MUC15: variants seen among roughly 807,000 people sequenced by gnomAD.
MUC15 encodes mucin-15.
MUC15 carries 23 observed loss-of-function variants against 24.0 expected under a neutral mutation model. The observed-to-expected ratio is 0.96, with a 90% CI of 0.69 to 1.36. MUC15 has a LOEUF of 1.36. MUC15 is among the 40% of genes most tolerant of loss of function. The pLI is 0.00. For missense variants in MUC15, 442 were observed against 428.2 expected (o/e 1.03, Z -0.29); for synonymous variants, 151 against 156.3 (o/e 0.97, Z 0.25).
intron 1 of MUC15, 100 bp from the exon 2 acceptor site, chr11:26,567,239 A>G (rs1221648052): frequency 6.9e-6 from 5 of 727,302 alleles, no homozygotes; most frequent in Non-Finnish European, 9.9e-6. Flanking sequence ...TTTACTTTAA[A>G]AAAATAGACT....
rs781399474 is a variant in MUC15 at position 26,565,888 on chromosome 11, T to A, written c.52A>T (p.Lys18Ter). Residue 18 changes from lysine (K) to a stop codon, truncating the protein, a stop_gained, in exon 3 of 5, where the codon AAA (lysine) becomes TAA (stop). Coordinates refer to ENST00000529533, the MANE Select transcript of MUC15 (RefSeq NM_001135091.2). LOFTEE classifies it high-confidence loss of function. ...LATSRDCYSF[K>*]KKPIPKKPTM... ...GGCTTCTTTGGTATTGGTTTTTTTT[T>A]AAAGGAATCTGAAAGAAAATAACCA... The A allele has an allele frequency of 2.1e-5, 33 of 1,573,444 alleles. No homozygotes were observed. The highest frequency in any genetic ancestry group is 1.6e-4 in the East Asian group (7 of 44,648).
intron 1 of MUC15, among the ~76,000 whole-genome samples, chr11:26,567,579 C>A (rs1249124264): frequency 6.6e-6 from 1 of 151,986 alleles, no homozygotes; most frequent in Non-Finnish European, 1.5e-5. Flanking sequence ...TGTTAGTTAT[C>A]TTCAAAATCT....
intron 3 of MUC15, among the ~76,000 whole-genome samples, chr11:26,564,757 A>ATTTTCTT: frequency 1.2e-5 from 1 of 82,728 alleles, no homozygotes; most frequent in Non-Finnish European, 2.5e-5. Context: ...ATATATATAT[A>ATTTTCTT]TATATATATA....
Position 26,560,892 on chromosome 11 carries a change from A to G in MUC15, c.*173T>C, listed in dbSNP as rs1850261872. 1 of 579,844 alleles carries G rather than the reference A, an allele frequency of 1.7e-6. No homozygotes were observed. The highest frequency in any genetic ancestry group is 2.0e-5 in the African/African-American group (1 of 50,668). 35.9% of individuals were successfully genotyped at this position (579,844 alleles called of 1,614,324 possible). ...GATGGCCAAAAATTGTAAGAAAGAAAACCTTTGGATGATACATCCTGTCTA... is the reference window on the plus strand; with the variant it reads ...GATGGCCAAAAATTGTAAGAAAGAAGACCTTTGGATGATACATCCTGTCTA... On this transcript the variant is annotated 3_prime_UTR_variant, in exon 5 of 5. Coordinates refer to ENST00000529533, the MANE Select transcript of MUC15 (RefSeq NM_001135091.2).
At chr11:26,571,928 T>C (rs897119030) in intron 1 of MUC15, 113 bp downstream of exon 1, 1 of 284,994 alleles carries the variant, frequency 3.5e-6, no homozygotes, top group African/African-American at 2.3e-5. Context: ...TGCCAGGCTG[T>C]TCTGTCAAAG....
In MUC15 at chr11:26,567,032, T is replaced by G. The variant is rs1266124905; in HGVS notation, c.43+20A>C. 18 of 1,475,786 alleles carry G rather than the reference T, an allele frequency of 1.2e-5. No homozygotes were observed. The highest frequency in any genetic ancestry group is 1.6e-5 in the Non-Finnish European group (18 of 1,107,008). The allele number at this position is 1,475,786 out of a possible 1,614,324, so 91.4% of individuals were successfully genotyped here. A position where few individuals can be genotyped will look rare whatever the true frequency, so the allele number is the denominator to read the frequency against. On this transcript the variant is annotated intron_variant, in intron 2 of 4. Coordinates refer to ENST00000529533, the MANE Select transcript of MUC15 (RefSeq NM_001135091.2). ...CTTTTTGGTTACAAAGTTTACAGTA[T>G]CATCTTATTTGATACTTACAACAAT...
chr11:26,565,987 G>A (rs1357490497), intron 2 of MUC15, 91 bp from the exon 3 acceptor site: 2 of 1,239,412 alleles, frequency 1.6e-6, no homozygotes, highest in Non-Finnish European at 2.2e-6. Flanking sequence ...TAAAAATCTA[G>A]ACATAATATA....
intron 3 of MUC15, among the ~76,000 whole-genome samples, chr11:26,564,710 C>T (rs1450576283): frequency 4.3e-5 from 3 of 70,564 alleles, no homozygotes; most frequent in Non-Finnish European, 5.4e-5. Flanking sequence ...CACACACACA[C>T]ACACACACAC....
chr11:26,571,597 A>C (rs1253676360), intron 1 of MUC15, among the ~76,000 whole-genome samples: 1 of 152,086 alleles, frequency 6.6e-6, no homozygotes, highest in Admixed American at 6.6e-5. Context: ...CTAATACTTA[A>C]AGCAAAAACC....
Position 26,572,259 on chromosome 11 carries a change from G to A in MUC15, c.-264C>T. On this transcript the variant is annotated 5_prime_UTR_variant, in exon 1 of 5. Coordinates refer to ENST00000529533, the MANE Select transcript of MUC15 (RefSeq NM_001135091.2). Reference sequence around the variant, plus strand: ...TGACTGACCTGCTTCTCAGCTGTAAGCATTAAGATATCACCTCATTCAGGC... The same window carrying A: ...TGACTGACCTGCTTCTCAGCTGTAAACATTAAGATATCACCTCATTCAGGC... 8 of 985,070 alleles carry A rather than the reference G, an allele frequency of 8.1e-6. No homozygotes were observed. Among genetic ancestry groups the A allele is most frequent in the Non-Finnish European group, 9.6e-6 (8 of 829,686 alleles). 61.0% of individuals were successfully genotyped at this position (985,070 alleles called of 1,614,324 possible).
At chr11:26,569,616 A>G (rs959829003) in intron 1 of MUC15, among the ~76,000 whole-genome samples, 1 of 152,112 alleles carries the variant, frequency 6.6e-6, no homozygotes, top group African/African-American at 2.4e-5. Flanking sequence ...AACAAAGCAC[A>G]TTGCAAGTGA....
At chr11:26,564,757 ATAT>A (rs1850489485) in intron 3 of MUC15, among the ~76,000 whole-genome samples, 1 of 82,728 alleles carries the variant, frequency 1.2e-5, no homozygotes, top group Non-Finnish European at 2.5e-5. Context: ...ATATATATAT[ATAT>A]ATATATATAT....
rs142984461 is a variant in MUC15 at position 26,572,065 on chromosome 11, A to G, written c.-70T>C. The G allele has an allele frequency of 2.1e-4, 211 of 985,260 alleles. No individual in the cohort carries two copies. The African/African-American group carries it at 3.1e-3, about 14-fold the overall frequency. The allele number at this position is 985,260 out of a possible 1,614,324, so 61.0% of individuals were successfully genotyped here. ...CCTTCAGGCTTAGGAGGTATTTACA[A>G]TCAGGAACTGAAATATCACAGTTGT... On this transcript the variant is annotated 5_prime_UTR_variant, in exon 1 of 5. Transcript: ENST00000529533.
chr11:26,567,149 G>A lies in MUC15; in HGVS notation c.-45-10C>T. The A allele has an allele frequency of 7.2e-7, 1 of 1,387,260 alleles. No homozygotes were observed. Among genetic ancestry groups the A allele is most frequent in the Non-Finnish European group, 9.5e-7 (1 of 1,058,172 alleles). 85.9% of individuals were successfully genotyped at this position (1,387,260 alleles called of 1,614,324 possible). A position where few individuals can be genotyped will look rare whatever the true frequency, so the allele number is the denominator to read the frequency against. On this transcript the variant is annotated splice_polypyrimidine_tract_variant and intron_variant, in intron 1 of 4. Transcript: ENST00000529533. ...TGGCTAGTAACAGAAGCTGGAAAAT[G>A]GAAGAGGCAATATTTAAAGCCAAGT...
Position 26,572,222 on chromosome 11 carries a change from C to T in MUC15, c.-227G>A, listed in dbSNP as rs1302028319. On this transcript the variant is annotated 5_prime_UTR_variant, in exon 1 of 5. Transcript: ENST00000529533. ...GCTGTATCTTGCTTGTGTAACAGAG[C>T]GCCCAGGAACCTGACTGACCTGCTT... is the stretch of plus-strand genomic sequence containing the variant. 2.0e-6 allele frequency: 2 copies of T among 985,248 alleles called. No individual in the cohort carries two copies. The highest frequency in any genetic ancestry group is 1.2e-6 in the Non-Finnish European group (1 of 830,048). The allele number at this position is 985,248 out of a possible 1,614,324, so 61.0% of individuals were successfully genotyped here. A position where few individuals can be genotyped will look rare whatever the true frequency, so the allele number is the denominator to read the frequency against.
At position 26,565,306 on chromosome 11, in the gene MUC15, C is replaced by G. The variant is rs1426369497; in HGVS notation, c.634G>C (p.Val212Leu). The change falls in exon 3 of 5, where the codon GTG becomes CTG. Residue 212 changes from valine to leucine, a missense_variant. Coordinates refer to ENST00000529533, the MANE Select transcript of MUC15 (RefSeq NM_001135091.2). The part of the protein sequence containing the change: ...PTSPSVTPLI[V>L]EPSGWLTTNS... ...GTGGTAAGCCATCCACTTGGTTCCACTATCAAGGGGGTCACAGATGGAGAA... is the reference window on the plus strand; with the variant it reads ...GTGGTAAGCCATCCACTTGGTTCCAGTATCAAGGGGGTCACAGATGGAGAA... 1 of 1,609,558 alleles carries G rather than the reference C, an allele frequency of 6.2e-7. No homozygotes were observed. Among genetic ancestry groups the G allele is most frequent in the South Asian group, 1.1e-5 (1 of 90,590 alleles).
intron 2 of MUC15, among the ~76,000 whole-genome samples, chr11:26,566,162 C>A (rs185689797): frequency 1.1e-4 from 16 of 151,918 alleles, no homozygotes; most frequent in African/African-American, 3.9e-4. Flanking sequence ...TTTCAAAGAC[C>A]ATTTAGCTTG....
At chr11:26,568,313 G>A (rs1850677495) in intron 1 of MUC15, among the ~76,000 whole-genome samples, 1 of 151,978 alleles carries the variant, frequency 6.6e-6, no homozygotes, top group South Asian at 2.1e-4. Flanking sequence ...TGTAAGTAAT[G>A]TGTCCAAGGA....
intron 3 of MUC15, among the ~76,000 whole-genome samples, chr11:26,564,165 T>C (rs973741709): frequency 6.6e-6 from 1 of 151,804 alleles, no homozygotes; most frequent in Non-Finnish European, 1.5e-5. Flanking sequence ...CTCAGTATTC[T>C]CAATATGTAT....
Sources: gnomAD v4.1 joint callset for allele counts (sites outside exome capture counted in the v4.1 genomes callset) on GRCh38, gnomAD v4.1.1 for gene constraint, MANE v1.5 for transcripts, NCBI Gene and HGNC (gene_info 2026-07-23, HGNC 2026-07-21) for gene names.